The following EYS variants were observed in gnomAD, a reference collection of about 807,000 sequenced individuals.
EYS encodes EGF-like photoreceptor maintenance factor.
In EYS, 250 loss-of-function variants were observed where a neutral mutation model predicts 282.1. The ratio of observed to expected loss-of-function variants is 0.89; its 90% confidence interval spans 0.80 to 0.98. The LOEUF is 0.98. Among genes scored for constraint, EYS ranks in the 50% least tolerant of loss-of-function variants. The probability of loss-of-function intolerance (pLI) is 0.00; values close to 1 mark genes in which losing one functional copy is unlikely to be tolerated. For synonymous variants in EYS, 1,355 were observed against 1,282.9 expected, an observed-to-expected ratio of 1.06 and a Z score of -1.20; for missense variants, 4,016 against 3,709.0, an observed-to-expected ratio of 1.08 and a Z score of -2.15.
At chr6:63,742,104 T>C in intron 41 of EYS, 1 of 634,632 alleles carries the variant, frequency 1.6e-6, no homozygotes, top group Middle Eastern at 2.8e-4. Flanking sequence ...CACTTGTACA[T>C]CTGTCCTGCA....
intron 2 of EYS, among the ~76,000 whole-genome samples, chr6:65,513,796 T>G (rs1350411767): frequency 6.6e-6 from 1 of 152,024 alleles, no homozygotes; most frequent in African/African-American, 2.4e-5. Context: ...TATCTCAAAA[T>G]AATAAGAGCT....
intron 22 of EYS, among the ~76,000 whole-genome samples, chr6:64,634,597 T>G (rs1767908497): frequency 6.7e-6 from 1 of 149,002 alleles, no homozygotes; most frequent in Non-Finnish European, 1.5e-5. Context: ...AATATTGAAG[T>G]GTGGTATAGT....
chr6:63,864,230 A>G lies in EYS; in HGVS notation c.7184T>C (p.Val2395Ala), dbSNP rs1389763357. The part of the protein sequence containing the change: ...TCVPKSGTDI[V>A]CLCPYGRSGP... Reference sequence around the variant, plus strand: ...AGACCTCCCATATGGGCAGAGGCAGACAATATCTGTTCCGGATTTTGGAAC... The same window carrying G: ...AGACCTCCCATATGGGCAGAGGCAGGCAATATCTGTTCCGGATTTTGGAAC... The change falls in exon 36 of 43, where the codon GTC becomes GCC. Residue 2395 changes from valine (V) to alanine (A), a missense_variant. Physicochemically the swap from Val to Ala is moderately conservative, Grantham distance 64. Coordinates refer to ENST00000503581, the MANE Select transcript of EYS (RefSeq NM_001142800.2). The G allele has an allele frequency of 1.3e-6, 2 of 1,550,512 alleles. No individual in the cohort carries two copies. Among genetic ancestry groups the G allele is most frequent in the Non-Finnish European group, 8.7e-7 (1 of 1,146,178 alleles).
At chr6:64,249,472 T>G (rs1767133897) in intron 30 of EYS, among the ~76,000 whole-genome samples, 1 of 152,342 alleles carries the variant, frequency 6.6e-6, no homozygotes, top group African/African-American at 2.4e-5. Context: ...AAGCCCTGAC[T>G]TGACCACTGT....
intron 12 of EYS, among the ~76,000 whole-genome samples, chr6:65,162,533 AC>A (rs1764874138): frequency 6.6e-6 from 1 of 151,222 alleles, no homozygotes; most frequent in Non-Finnish European, 1.5e-5. Context: ...ATTACATACA[AC>A]AAAAAGAATA....
In EYS at chr6:65,495,488, A is replaced by T. The variant is rs190155823; in HGVS notation, c.-78T>A. The stretch of plus-strand genomic sequence containing the variant: ...GTTTTAAGTATTACCGGAAATTTCC[A>T]AGTAAAGTTGTGGTTAAGGATTCCT... On this transcript the variant is annotated 5_prime_UTR_variant, in exon 4 of 43. Coordinates refer to ENST00000503581, the MANE Select transcript of EYS (RefSeq NM_001142800.2). 139 of 1,501,128 alleles carry T rather than the reference A, an allele frequency of 9.3e-5. 1 individual carries two copies. The East Asian group carries it at 2.6e-3, about 28-fold the overall frequency. 93.0% of individuals were successfully genotyped at this position (1,501,128 alleles called of 1,614,324 possible).
intron 19 of EYS, among the ~76,000 whole-genome samples, chr6:64,862,255 G>A (rs1766273049): frequency 6.6e-6 from 1 of 152,206 alleles, no homozygotes; most frequent in Non-Finnish European, 1.5e-5. Context: ...TTTCTGTAAT[G>A]AATTCTGCTT....
At chr6:63,982,240 C>A (rs1273471398) in intron 35 of EYS, among the ~76,000 whole-genome samples, 2 of 151,706 alleles carry the variant, frequency 1.3e-5, no homozygotes, top group Non-Finnish European at 2.9e-5. Flanking sequence ...AATATTAACA[C>A]CAACTTAGCA....
rs142844049 is a variant in EYS, at chr6:64,311,448, T to G, written c.6079-4366A>C. On this transcript the variant is annotated intron_variant, in intron 29 of 42. Coordinates refer to ENST00000503581, the MANE Select transcript of EYS (RefSeq NM_001142800.2). ...ATTTCTCAAATATAGTTCTTATTAT[T>G]AATCCAGGACAAATAACTCCTGGTT... 1.2e-4 allele frequency among the ~76,000 whole-genome samples: 19 copies of G among 152,362 alleles called. No individual in the cohort carries two copies. In the East Asian group the frequency reaches 3.7e-3, roughly 29 times the overall value.
chr6:65,024,800 G>C (rs1772353546), intron 13 of EYS, among the ~76,000 whole-genome samples: 2 of 152,240 alleles, frequency 1.3e-5, no homozygotes, highest in Non-Finnish European at 2.9e-5. Context: ...TTGTTTGAGA[G>C]TGCTTCAAAA....
chr6:64,032,037 C>T (rs557248147), intron 33 of EYS, among the ~76,000 whole-genome samples: 55 of 152,230 alleles, frequency 3.6e-4, no homozygotes, highest in Admixed American at 1.2e-3. Flanking sequence ...ACACTCACCA[C>T]GAAGGTCTGC....
intron 5 of EYS, chr6:65,489,850 C>T (rs1290591612): frequency 6.6e-6 from 1 of 152,128 alleles, no homozygotes; most frequent in African/African-American, 2.4e-5. Context: ...AAGCTGGAAA[C>T]CATCATTCTC....
intron 33 of EYS, among the ~76,000 whole-genome samples, chr6:64,018,759 G>GT (rs1163533009): frequency 0.13 from 6,862 of 53,752 alleles, 2,823 homozygotes; most frequent in Non-Finnish European, 0.15. Flanking sequence ...CATCACAAGT[G>GT]TTTTTTTTTT....
At chr6:65,114,291 C>G (rs1048775156) in intron 12 of EYS, among the ~76,000 whole-genome samples, 14 of 149,672 alleles carry the variant, frequency 9.4e-5, no homozygotes, top group African/African-American at 3.4e-4. Flanking sequence ...AACTATATTT[C>G]TTTGCCTTAC....
At chr6:65,687,885 G>A (rs1029552580) in intron 1 of EYS, among the ~76,000 whole-genome samples, 31 of 152,022 alleles carry the variant, frequency 2.0e-4, no homozygotes, top group African/African-American at 7.0e-4. Context: ...GGGATGTGAA[G>A]GACCTCTTCA....
rs930017854 is a variant in EYS, at chr6:65,054,052, A to G, written c.2137+3562T>C. Among the ~76,000 whole-genome samples, 10 of 152,006 alleles carry G rather than the reference A, an allele frequency of 6.6e-5. No individual in the cohort carries two copies. The East Asian group carries it at 7.8e-4, about 12-fold the overall frequency. ...TAGAAATTATTTGAGCTTTTTGCAT[A>G]GAAACTGAACTCATAGATGGATTAT... On this transcript the variant is annotated intron_variant, in intron 13 of 42. Coordinates refer to ENST00000503581, the MANE Select transcript of EYS (RefSeq NM_001142800.2).
chr6:63,958,172 T>G (rs910797172), intron 35 of EYS, among the ~76,000 whole-genome samples: 3 of 140,822 alleles, frequency 2.1e-5, no homozygotes, highest in African/African-American at 7.3e-5. Context: ...TGAACAAATA[T>G]TTATTGAGAG....
chr6:64,644,829 A>G (rs1582990956), intron 22 of EYS, among the ~76,000 whole-genome samples: 1 of 152,302 alleles, frequency 6.6e-6, no homozygotes, highest in East Asian at 1.9e-4. Context: ...GGTTAGTGCA[A>G]TCATTTACCT....
chr6:63,991,645 G>T (rs574623082), intron 34 of EYS, among the ~76,000 whole-genome samples: 1 of 150,790 alleles, frequency 6.6e-6, no homozygotes, highest in African/African-American at 2.5e-5. Flanking sequence ...TCACTTGGAT[G>T]TCTCAAAAGG....
Sources: gnomAD v4.1 joint callset for allele counts (sites outside exome capture counted in the v4.1 genomes callset) on GRCh38, gnomAD v4.1.1 for gene constraint, MANE v1.5 for transcripts, NCBI Gene and HGNC (gene_info 2026-07-23, HGNC 2026-07-21) for gene names.